ZNF536: variants seen among roughly 807,000 people sequenced by gnomAD.
ZNF536 encodes the protein zinc finger protein 536.
In ZNF536, 13 loss-of-function variants were observed where a neutral mutation model predicts 84.5. The observed-to-expected ratio is 0.15, with a 90% confidence interval of 0.10 to 0.24. The LOEUF (loss-of-function observed/expected upper bound fraction) is 0.24. ZNF536 is among the 10% of genes least tolerant of loss of function. The pLI, the probability that ZNF536 is intolerant of heterozygous loss-of-function variation, is 1.00. For missense variants in ZNF536, 1,536 were observed against 1,747.5 expected (o/e 0.88, Z 2.16); for synonymous variants, 811 against 742.5 (o/e 1.09, Z -1.50).
At chr19:30,252,482 C>A (rs573625539) in intron 1 of ZNF536, among the ~76,000 whole-genome samples, 7 of 152,278 alleles carry the variant, frequency 4.6e-5, no homozygotes, top group Admixed American at 3.9e-4. Flanking sequence ...GATTTACCCT[C>A]CATCTACCTC....
rs537279045 is a variant in ZNF536, at chr19:30,587,606, C to G, written c.169+38092C>G. Among the ~76,000 whole-genome samples, 5 of 152,334 alleles carry G rather than the reference C, an allele frequency of 3.3e-5. No homozygotes were observed. The East Asian group carries it at 9.7e-4, about 29-fold the overall frequency. ...GCTCCAGCATGCCATCACTCATACC[C>G]TTCATTGTCAGTCGAACTATTGATC... On this transcript the variant is annotated intron_variant, in intron 1 of 1. Coordinates refer to the ZNF536 transcript ENST00000592773.
At chr19:30,594,984 G>C (rs74779959) in intron 1 of ZNF536, among the ~76,000 whole-genome samples, 1 of 152,082 alleles carries the variant, frequency 6.6e-6, no homozygotes, top group African/African-American at 2.4e-5. Flanking sequence ...GTTCTTCCAG[G>C]AGGAGGCTCT....
chr19:30,604,502 G>C (rs926630982), intron 1 of ZNF536, among the ~76,000 whole-genome samples: 1 of 152,138 alleles, frequency 6.6e-6, no homozygotes, highest in African/African-American at 2.4e-5. Context: ...GCCTTAACAA[G>C]AAAGCTGTTG....
intron 1 of ZNF536, among the ~76,000 whole-genome samples, chr19:30,595,838 T>A (rs1477542814): frequency 6.6e-6 from 1 of 152,036 alleles, no homozygotes; most frequent in Non-Finnish European, 1.5e-5. Flanking sequence ...GCCTTTCTAG[T>A]GTCAGGACAT....
intron 1 of ZNF536, among the ~76,000 whole-genome samples, chr19:30,667,449 T>G (rs1349008063): frequency 1.3e-5 from 2 of 152,010 alleles, no homozygotes; most frequent in South Asian, 2.1e-4. Context: ...GCTTTCTGTG[T>G]CCATCCGGGA....
intron 1 of ZNF536, among the ~76,000 whole-genome samples, chr19:30,584,112 C>T (rs1289479837): frequency 1.3e-5 from 2 of 152,182 alleles, no homozygotes; most frequent in South Asian, 4.1e-4. Flanking sequence ...TCATCTCCAA[C>T]GCTGCATCTT....
chr19:30,551,394 G>A (rs2045777684), intron 4 of ZNF536, among the ~76,000 whole-genome samples: 1 of 152,192 alleles, frequency 6.6e-6, no homozygotes, highest in South Asian at 2.1e-4. Context: ...CAGGGAGCCT[G>A]CCGGGTCTTG....
chr19:30,415,771 C>T (rs181302505), intron 1 of ZNF536, among the ~76,000 whole-genome samples: 13 of 152,110 alleles, frequency 8.5e-5, no homozygotes, highest in East Asian at 3.9e-4. Context: ...CCACCGTGCC[C>T]GGCTAATTTT....
chr19:30,242,064 A>AG (rs1438382581), intron 1 of ZNF536, among the ~76,000 whole-genome samples: 1 of 152,018 alleles, frequency 6.6e-6, no homozygotes, highest in Non-Finnish European at 1.5e-5. Flanking sequence ...GCGCCTGTTG[A>AG]GGGGTAATTC....
At chr19:30,505,318 ATAT>A (rs909259334) in intron 2 of ZNF536, among the ~76,000 whole-genome samples, 122 of 147,114 alleles carry the variant, frequency 8.3e-4, no homozygotes, top group Non-Finnish European at 1.5e-3. Flanking sequence ...ATTTTAATGA[ATAT>A]TATTATAATA....
chr19:30,685,266 G>C (rs910494524), intron 1 of ZNF536, among the ~76,000 whole-genome samples: 1 of 152,216 alleles, frequency 6.6e-6, no homozygotes, highest in East Asian at 1.9e-4. Context: ...CTTCCACAGG[G>C]ATGCAATGAC....
chr19:30,381,370 A>G (rs906244434), intron 1 of ZNF536, among the ~76,000 whole-genome samples: 7 of 152,212 alleles, frequency 4.6e-5, no homozygotes, highest in African/African-American at 1.4e-4. Flanking sequence ...GTCACCTCAT[A>G]CATGAACAGG....
chr19:30,340,014 C>T (rs757769783), intron 2 of ZNF536, among the ~76,000 whole-genome samples: 6 of 152,166 alleles, frequency 3.9e-5, no homozygotes, highest in South Asian at 2.1e-4. Context: ...GGTGGACTCC[C>T]CATGAATCCT....
At chr19:30,584,734 T>G (rs1033861507) in intron 1 of ZNF536, among the ~76,000 whole-genome samples, 4 of 152,218 alleles carry the variant, frequency 2.6e-5, no homozygotes, top group Non-Finnish European at 4.4e-5. Flanking sequence ...TTCCTCTTTG[T>G]TTGTATGTTC....
At chr19:30,540,213 C>T (rs920194391) in intron 3 of ZNF536, among the ~76,000 whole-genome samples, 3 of 152,164 alleles carry the variant, frequency 2.0e-5, no homozygotes, top group Admixed American at 6.5e-5. Context: ...GCTGTCTTCA[C>T]GGCACAGCTC....
Position 30,494,814 on chromosome 19 carries a change from C to T in ZNF536, c.2171-40033C>T, listed in dbSNP as rs571909335. On this transcript the variant is annotated intron_variant, in intron 2 of 4. Transcript: ENST00000355537. Reference sequence around the variant, plus strand: ...TACAAAAATCAGCCGGGGGTGGTGGCGTGCACCTATAATCCCAGCTGCTTG... The same window carrying T: ...TACAAAAATCAGCCGGGGGTGGTGGTGTGCACCTATAATCCCAGCTGCTTG... 3.2e-4 allele frequency among the ~76,000 whole-genome samples: 49 copies of T among 151,980 alleles called. 1 individual carries two copies. In the South Asian group the frequency reaches 5.8e-3, roughly 18 times the overall value.
chr19:30,609,066 G>A (rs150558100), intron 1 of ZNF536, among the ~76,000 whole-genome samples: 89 of 152,348 alleles, frequency 5.8e-4, no homozygotes, highest in African/African-American at 2.0e-3. Context: ...GATAGGAACA[G>A]CTAGCAAAGT....
intron 1 of ZNF536, among the ~76,000 whole-genome samples, chr19:30,253,294 GAA>G (rs893720787): frequency 3.9e-5 from 6 of 152,166 alleles, no homozygotes; most frequent in Non-Finnish European, 7.4e-5. Context: ...GACATTTTTT[GAA>G]GTCTGTTGCT....
chr19:30,649,507 C>A (rs2049614869), intron 1 of ZNF536, among the ~76,000 whole-genome samples: 1 of 149,446 alleles, frequency 6.7e-6, no homozygotes, highest in African/African-American at 2.5e-5. Flanking sequence ...CCCCTTTGGG[C>A]AAAATTATTC....
Sources: gnomAD v4.1 joint callset for allele counts (sites outside exome capture counted in the v4.1 genomes callset) on GRCh38, gnomAD v4.1.1 for gene constraint, MANE v1.5 for transcripts, NCBI Gene and HGNC (gene_info 2026-07-23, HGNC 2026-07-21) for gene names.